Variants in ECT2L observed in about 807,000 individuals in gnomAD.
ECT2L encodes the protein epithelial cell-transforming sequence 2 oncogene-like.
A neutral mutation model predicts 122.8 loss-of-function variants in ECT2L; 126 were observed. The ratio of observed to expected loss-of-function variants is 1.03; its 90% CI spans 0.89 to 1.19. The LOEUF is 1.19. Among genes scored for constraint, ECT2L ranks in the 50% most tolerant of loss-of-function variants. The pLI is 0.00. For missense variants in ECT2L, 1,012 were observed against 1,064.1 expected, an observed-to-expected ratio of 0.95 and a Z score of 0.68; for synonymous variants, 385 against 381.8, an observed-to-expected ratio of 1.01 and a Z score of -0.10.
chr6:138,814,846 A>G (rs1776016956), intron 4 of ECT2L, among the ~76,000 whole-genome samples: 1 of 152,184 alleles, frequency 6.6e-6, no homozygotes, highest in Non-Finnish European at 1.5e-5. Flanking sequence ...CAAAAACACA[A>G]TGGCTTCAGT....
rs114337506 is a variant in ECT2L at position 138,882,781 on chromosome 6, G to A, written c.1938G>A (p.Val646=). Residue 646 remains valine, a synonymous_variant, in exon 16 of 22, where the codon GTG becomes GTA. Transcript: ENST00000541398. ...RLQEWGPAHC[V]GEIVTKFGSQ... is the part of the protein sequence containing the mutation. ...AGGAATGGGGCCCAGCTCACTGTGT[G>A]GGAGAAATAGTCACGAAGTTTGGAA... 1.2e-3 allele frequency: 1,866 copies of A among 1,614,148 alleles called. 23 individuals carry two copies. The African/African-American group carries it at 0.021, about 18-fold the overall frequency.
chr6:138,815,100 A>C (rs1776024358), intron 4 of ECT2L, among the ~76,000 whole-genome samples: 1 of 152,084 alleles, frequency 6.6e-6, no homozygotes, highest in Non-Finnish European at 1.5e-5. Flanking sequence ...CCCTCATGTT[A>C]TGTCTGTAAT....
chr6:138,860,361 T>C (rs557192269), intron 10 of ECT2L, among the ~76,000 whole-genome samples: 1 of 152,268 alleles, frequency 6.6e-6, no homozygotes, highest in African/African-American at 2.4e-5. Context: ...TTTTTACATA[T>C]GGCTAGTTGT....
At chr6:138,860,319 A>C (rs1056143254) in intron 10 of ECT2L, among the ~76,000 whole-genome samples, 5 of 152,088 alleles carry the variant, frequency 3.3e-5, no homozygotes, top group Non-Finnish European at 7.4e-5. Context: ...TTTTAATGTA[A>C]TATATGAGAT....
At chr6:138,868,991 AC>A (rs941086058) in intron 13 of ECT2L, among the ~76,000 whole-genome samples, 4 of 152,142 alleles carry the variant, frequency 2.6e-5, no homozygotes, top group African/African-American at 9.6e-5. Flanking sequence ...ACATGGTGAA[AC>A]CCCGTCTCTA....
At chr6:138,812,564 G>A (rs1749187784) in intron 1 of ECT2L, among the ~76,000 whole-genome samples, 2 of 152,156 alleles carry the variant, frequency 1.3e-5, no homozygotes, top group Non-Finnish European at 2.9e-5. Context: ...AGCACTTTGA[G>A]AGGCTGAGGC....
intron 5 of ECT2L, among the ~76,000 whole-genome samples, chr6:138,840,519 A>G (rs1268865107): frequency 6.6e-6 from 1 of 152,158 alleles, no homozygotes; most frequent in Non-Finnish European, 1.5e-5. Context: ...TGCATCTAAA[A>G]ATATCTATTT....
chr6:138,828,590 C>T (rs1014613805), intron 4 of ECT2L, among the ~76,000 whole-genome samples: 1 of 152,122 alleles, frequency 6.6e-6, no homozygotes, highest in Admixed American at 6.5e-5. Flanking sequence ...CCCGTGGGTC[C>T]ACTGTTTCAT....
rs114745740 is a variant in ECT2L, at chr6:138,888,092, T to C, written c.2326-851T>C. 2.3e-3 allele frequency among the ~76,000 whole-genome samples: 354 copies of C among 152,278 alleles called. 2 individuals carry two copies. The highest frequency in any genetic ancestry group is 7.9e-3 in the African/African-American group (330 of 41,572). On this transcript the variant is annotated intron_variant, in intron 19 of 21. Coordinates refer to ENST00000541398, the MANE Select transcript of ECT2L (RefSeq NM_001077706.3). ...GAAATGTTATTTTTATTTAGTCAAA[T>C]TGGGGAAGCAAGATGAAGTTGTTTT...
intron 4 of ECT2L, among the ~76,000 whole-genome samples, chr6:138,816,094 G>C (rs1332354512): frequency 6.6e-6 from 1 of 152,172 alleles, no homozygotes; most frequent in African/African-American, 2.4e-5. Flanking sequence ...TTTTATGATA[G>C]TCATTGGCTA....
chr6:138,897,623 T>C lies in ECT2L; in HGVS notation c.2415-3325T>C, dbSNP rs148823275. ...ACATTGTTGGAGATCTTGAGGGGCT[T>C]AATTTAGTAAATGGCTTTTGAAAAG... is the stretch of plus-strand genomic sequence containing the variant. On this transcript the variant is annotated intron_variant, in intron 20 of 21. Transcript: ENST00000541398. 1.8e-4 allele frequency among the ~76,000 whole-genome samples: 28 copies of C among 152,336 alleles called. No homozygotes were observed. In the East Asian group the frequency reaches 5.4e-3, roughly 29 times the overall value.
chr6:138,893,588 A>G (rs1425758151), intron 20 of ECT2L, among the ~76,000 whole-genome samples: 1 of 151,590 alleles, frequency 6.6e-6, no homozygotes, highest in Non-Finnish European at 1.5e-5. Flanking sequence ...TGCTCGGCTA[A>G]TTTTTGTATT....
In ECT2L at chr6:138,858,060, C is replaced by G. The variant is rs116217960; in HGVS notation, c.1198+3906C>G. On this transcript the variant is annotated intron_variant, in intron 10 of 21. Coordinates refer to ENST00000541398, the MANE Select transcript of ECT2L (RefSeq NM_001077706.3). Reference sequence around the variant, plus strand: ...GATGGGGGAGATTGCCCCCTTAATTCAATTATCTCCACCTGGTCCCACCCT... The same window carrying G: ...GATGGGGGAGATTGCCCCCTTAATTGAATTATCTCCACCTGGTCCCACCCT... Among the ~76,000 whole-genome samples, 1,437 of 152,258 alleles carry G rather than the reference C, an allele frequency of 9.4e-3. 25 individuals carry two copies. Among genetic ancestry groups the G allele is most frequent in the African/African-American group, 0.033 (1,369 of 41,540 alleles).
At chr6:138,811,878 G>A (rs1448526199) in intron 1 of ECT2L, among the ~76,000 whole-genome samples, 5 of 151,928 alleles carry the variant, frequency 3.3e-5, no homozygotes, top group Non-Finnish European at 7.4e-5. Context: ...TAGTAGAGAC[G>A]GGGTTTCATC....
Position 138,802,161 on chromosome 6 carries a change from C to A in ECT2L, c.-244+5969C>A, listed in dbSNP as rs138234981. On this transcript the variant is annotated intron_variant, in intron 1 of 21. Transcript: ENST00000541398. ...GGGAGGGGAGCCTGTGGCCAACAAC[C>A]AGCGAAGAACTGAGTCTCTCATTCC... 3.9e-5 allele frequency among the ~76,000 whole-genome samples: 6 copies of A among 152,350 alleles called. No homozygotes were observed. In the East Asian group the frequency reaches 9.6e-4, roughly 24 times the overall value.
intron 4 of ECT2L, 62 bp downstream of exon 4, chr6:138,814,665 T>C: frequency 9.9e-7 from 1 of 1,006,018 alleles, no homozygotes; most frequent in Admixed American, 2.3e-5. Context: ...TATAAATGTT[T>C]ATATAACCTT....
intron 4 of ECT2L, among the ~76,000 whole-genome samples, chr6:138,837,444 C>T (rs557549230): frequency 6.6e-6 from 1 of 152,246 alleles, no homozygotes; most frequent in East Asian, 1.9e-4. Flanking sequence ...CGTAACAGCA[C>T]ACTAGTCTCT....
rs568016767 is a variant in ECT2L, at chr6:138,843,133, C to A, written c.497C>A (p.Thr166Lys). 2 of 1,613,972 alleles carry A rather than the reference C, an allele frequency of 1.2e-6. No homozygotes were observed. Residue 166 changes from threonine (T) to lysine (K), a missense_variant, in exon 6 of 22, where the codon ACG (threonine) becomes AAG (lysine). Physicochemically the swap from Thr to Lys is moderately conservative, Grantham distance 78 (BLOSUM62 -1). Transcript: ENST00000541398. ...AGGGAGGCTGCTGCTACTTATGGGA[C>A]GCTGAATGAACCCAAAACAGAAGAT... ...TPREAAATYG[T>K]LNEPKTEDEE...
At chr6:138,854,729 T>C (rs1777560138) in intron 10 of ECT2L, among the ~76,000 whole-genome samples, 3 of 152,118 alleles carry the variant, frequency 2.0e-5, no homozygotes. Context: ...TTAAAAACAG[T>C]GAGGTGCTTT....
Sources: gnomAD v4.1 joint callset for allele counts (sites outside exome capture counted in the v4.1 genomes callset) on GRCh38, gnomAD v4.1.1 for gene constraint, MANE v1.5 for transcripts, NCBI Gene and HGNC (gene_info 2026-07-23, HGNC 2026-07-21) for gene names.